The following HYDIN variants were observed in gnomAD, a reference collection of about 807,000 sequenced individuals.
The protein encoded by HYDIN is HYDIN axonemal central pair apparatus protein.
A neutral mutation model predicts 403.9 loss-of-function variants in HYDIN; 132 were observed. That is an observed-to-expected ratio of 0.33 (90% confidence interval 0.28 to 0.38). The LOEUF (loss-of-function observed/expected upper bound fraction) is 0.38. Ranked by LOEUF, HYDIN falls within the 10% of genes least tolerant of loss-of-function variation. The pLI is 1.00. For missense variants in HYDIN, 2,827 were observed against 5,009.5 expected, an observed-to-expected ratio of 0.56 and a Z score of 13.15; for synonymous variants, 1,202 against 1,891.7, an observed-to-expected ratio of 0.64 and a Z score of 9.46.
At chr16:71,130,222 T>C (rs1485973436) in intron 8 of HYDIN, among the ~76,000 whole-genome samples, 9 of 152,234 alleles carry the variant, frequency 5.9e-5, no homozygotes. Flanking sequence ...TTAGCTTTAA[T>C]TCTTTCTTAG....
intron 25 of HYDIN, among the ~76,000 whole-genome samples, chr16:70,989,505 A>T (rs2079277550): frequency 6.6e-6 from 1 of 152,176 alleles, no homozygotes; most frequent in South Asian, 2.1e-4. Flanking sequence ...TACTGTAGAT[A>T]AATATTATTA....
chr16:70,875,691 G>T (rs1398092620), intron 62 of HYDIN, among the ~76,000 whole-genome samples: 37 of 151,982 alleles, frequency 2.4e-4, no homozygotes, highest in African/African-American at 8.7e-4. Context: ...TGACATAAAA[G>T]ATCTAAATAA....
chr16:70,922,662 A>C (rs904694608), intron 45 of HYDIN, among the ~76,000 whole-genome samples: 1 of 152,050 alleles, frequency 6.6e-6, no homozygotes, highest in African/African-American at 2.4e-5. Context: ...TGGATTAAAG[A>C]AGCAGCCATA....
Position 70,809,916 on chromosome 16 carries a change from T to C in HYDIN, c.14750A>G (p.Tyr4917Cys). ...LHNTDLGYYQ[Y>C]ELYLKATPAL... ...TGGCGTGGCTTTCAGATAGAGCTCA[T>C]ATTGGTAGTAACCCAAGTCAGTGTT... is the stretch of plus-strand genomic sequence containing the variant. Residue 4917 changes from tyrosine (Y) to cysteine (C), a missense_variant, in exon 85 of 86, where the codon TAT (tyrosine) becomes TGT (cysteine). By Grantham distance (194) the Tyr-to-Cys change is radical. Coordinates refer to ENST00000393567, the MANE Select transcript of HYDIN (RefSeq NM_001270974.2). The C allele has an allele frequency of 6.2e-7, 1 of 1,614,178 alleles. No homozygotes were observed. The highest frequency in any genetic ancestry group is 8.5e-7 in the Non-Finnish European group (1 of 1,180,022).
chr16:71,007,401 T>C (rs2079922699), intron 23 of HYDIN, among the ~76,000 whole-genome samples: 1 of 152,194 alleles, frequency 6.6e-6, no homozygotes, highest in Non-Finnish European at 1.5e-5. Context: ...TTCGTTTAAA[T>C]ATAAAATAGA....
intron 1 of HYDIN, among the ~76,000 whole-genome samples, chr16:71,197,849 G>T (rs7190277): frequency 6.6e-6 from 1 of 152,150 alleles, no homozygotes; most frequent in Non-Finnish European, 1.5e-5. Context: ...CCAGGTTCAC[G>T]CAATTCTCAT....
chr16:71,188,747 C>T (rs1284563586), intron 1 of HYDIN, among the ~76,000 whole-genome samples: 1 of 152,124 alleles, frequency 6.6e-6, no homozygotes, highest in South Asian at 2.1e-4. Context: ...ATTTGAATGA[C>T]ATAACACATT....
rs916700839 is a variant in HYDIN at position 71,137,026 on chromosome 16, A to G, written c.1043+125T>C. 2.4e-5 allele frequency: 16 copies of G among 666,950 alleles called. No homozygotes were observed. In the African/African-American group the frequency reaches 2.7e-4, roughly 11 times the overall value. The allele number at this position is 666,950 out of a possible 1,614,324, so 41.3% of individuals were successfully genotyped here. A position where few individuals can be genotyped will look rare whatever the true frequency, so the allele number is the denominator to read the frequency against. ...GAGGATCTTAAACCAGAACCAAGTT[A>G]GAAAAATGTGACATTGGTTGAGTTG... On this transcript the variant is annotated intron_variant, in intron 8 of 85. Transcript: ENST00000393567.
chr16:71,188,950 TAAAAAC>T (rs957602381), intron 1 of HYDIN, among the ~76,000 whole-genome samples: 2 of 152,076 alleles, frequency 1.3e-5, no homozygotes, highest in African/African-American at 2.4e-5. Flanking sequence ...GCTAGAAACT[TAAAAAC>T]AAAACAAAGA....
At chr16:71,201,716 C>A (rs1389462304) in intron 1 of HYDIN, among the ~76,000 whole-genome samples, 1 of 152,230 alleles carries the variant, frequency 6.6e-6, no homozygotes, top group East Asian at 1.9e-4. Flanking sequence ...AACAAAGCCA[C>A]ACAAATGACA....
intron 1 of HYDIN, among the ~76,000 whole-genome samples, chr16:71,220,538 A>G (rs1427752245): frequency 2.0e-5 from 3 of 152,234 alleles, no homozygotes; most frequent in Non-Finnish European, 4.4e-5. Context: ...TTAAGTCACT[A>G]GTCTGCATGT....
At chr16:70,820,194 T>C (rs1358860351) in intron 83 of HYDIN, among the ~76,000 whole-genome samples, 42 of 128,312 alleles carry the variant, frequency 3.3e-4, no homozygotes, top group Middle Eastern at 3.8e-3. Context: ...TTTCTTTTTT[T>C]TTTTTTTTTT....
At chr16:70,859,521 C>T (rs547689498) in intron 71 of HYDIN, among the ~76,000 whole-genome samples, 3 of 152,166 alleles carry the variant, frequency 2.0e-5, no homozygotes, top group South Asian at 2.1e-4. Flanking sequence ...TTTTGTTTCA[C>T]GGATTTATTT....
intron 1 of HYDIN, among the ~76,000 whole-genome samples, chr16:71,208,313 A>G (rs1212289055): frequency 1.3e-5 from 2 of 152,228 alleles, no homozygotes; most frequent in Non-Finnish European, 1.5e-5. Context: ...CCTGCTGCCA[A>G]ATGAGTCTTG....
At chr16:71,219,818 C>T (rs533377389) in intron 1 of HYDIN, among the ~76,000 whole-genome samples, 4 of 152,250 alleles carry the variant, frequency 2.6e-5, no homozygotes, top group East Asian at 1.9e-4. Flanking sequence ...CCCTCTCAAA[C>T]GACATTTTGT....
chr16:71,139,095 G>GAAAAAAAAAAAAAAAAAAAAAAAAAA (rs71758936), intron 7 of HYDIN, among the ~76,000 whole-genome samples: 1 of 103,814 alleles, frequency 9.6e-6, no homozygotes. Context: ...AAATAAAGAA[G>GAAAAAAAAAAAAAAAAAAAAAAAAAA]AAAAAAAAAA....
chr16:70,922,920 A>G (rs970145079), intron 45 of HYDIN, among the ~76,000 whole-genome samples: 1 of 147,920 alleles, frequency 6.8e-6, no homozygotes, highest in Non-Finnish European at 1.5e-5. Flanking sequence ...GGCATGTGCC[A>G]CCATGCCTGG....
At chr16:70,914,559 C>T (rs1567820144) in intron 47 of HYDIN, among the ~76,000 whole-genome samples, 1 of 136,824 alleles carries the variant, frequency 7.3e-6, no homozygotes, top group South Asian at 2.5e-4. Flanking sequence ...TGTCTCACAG[C>T]TCTTAAGATT....
intron 74 of HYDIN, among the ~76,000 whole-genome samples, 166 bp from the exon 75 acceptor site, chr16:70,850,113 C>A (rs1386054661): frequency 6.6e-6 from 1 of 152,130 alleles, no homozygotes; most frequent in South Asian, 2.1e-4. Flanking sequence ...CTAGCAGGAG[C>A]TACTAAGTGT....
Sources: gnomAD v4.1 joint callset for allele counts (sites outside exome capture counted in the v4.1 genomes callset) on GRCh38, gnomAD v4.1.1 for gene constraint, MANE v1.5 for transcripts, NCBI Gene and HGNC (gene_info 2026-07-23, HGNC 2026-07-21) for gene names.